Variants in THAP4 observed in about 807,000 individuals in gnomAD.
THAP4 encodes peroxynitrite isomerase THAP4.
In THAP4, 18 loss-of-function variants were observed where a neutral mutation model predicts 48.1. That is an observed-to-expected ratio of 0.37 (90% confidence interval 0.26 to 0.56). THAP4 has a LOEUF of 0.56. THAP4 is among the 20% of genes least tolerant of loss of function. The pLI, the probability that THAP4 is intolerant of heterozygous loss-of-function variation, is 0.78. For missense variants in THAP4, 656 were observed against 774.9 expected, an observed-to-expected ratio of 0.85 and a Z score of 1.82; for synonymous variants, 345 against 324.9, an observed-to-expected ratio of 1.06 and a Z score of -0.66.
In THAP4 at chr2:241,616,744, C is replaced by T. The variant is rs1470263598; in HGVS notation, c.1241-10271G>A. 1.3e-5 allele frequency among the ~76,000 whole-genome samples: 2 copies of T among 152,106 alleles called. No individual in the cohort carries two copies. Among genetic ancestry groups the T allele is most frequent in the East Asian group, 1.9e-4 (1 of 5,194 alleles). ...ACATCAGACTGGAAAGGAAGGAGCACGCGGCTAAGCAACTAGATGGAGGCT... is the reference window on the plus strand; with the variant it reads ...ACATCAGACTGGAAAGGAAGGAGCATGCGGCTAAGCAACTAGATGGAGGCT... On this transcript the variant is annotated intron_variant, in intron 2 of 5. Coordinates refer to ENST00000407315, the MANE Select transcript of THAP4 (RefSeq NM_015963.6). The surrounding 1 kb of genome is among the most constrained non-coding windows in gnomAD (Gnocchi z 4.6).
Position 241,633,161 on chromosome 2 carries a change from G to A in THAP4, c.996C>T (p.Ile332=), listed in dbSNP as rs761496815. The part of the protein sequence containing the change: ...DASPMSINEV[I]LSASGACKLI... ...GCTTGCAGGCCCCTGACGCCGACAGGATGACCTCGTTGATGGACATGGGGC... is the reference window on the plus strand; with the variant it reads ...GCTTGCAGGCCCCTGACGCCGACAGAATGACCTCGTTGATGGACATGGGGC... Residue 332 remains isoleucine (I), a synonymous_variant, in exon 2 of 6, where the codon ATC becomes ATT. Transcript: ENST00000407315. This position sits in a 1 kb window ranked among gnomAD's most constrained non-coding sequence, Gnocchi z 7.5. 2.5e-6 allele frequency: 4 copies of A among 1,609,386 alleles called. No individual in the cohort carries two copies. The Admixed American group carries it at 5.0e-5, about 20-fold the overall frequency.
In THAP4 at chr2:241,612,304, G is replaced by A. The variant is rs149100619; in HGVS notation, c.1241-5831C>T. On this transcript the variant is annotated intron_variant, in intron 2 of 5. Coordinates refer to ENST00000407315, the MANE Select transcript of THAP4 (RefSeq NM_015963.6). This position sits in a 1 kb window ranked among gnomAD's most constrained non-coding sequence, Gnocchi z 4.1. Reference sequence around the variant, plus strand: ...GAAATGGAAACAAAGTTAGAAGGACGGGAACGCCTGGCACACTGCTGATGG... The same window carrying A: ...GAAATGGAAACAAAGTTAGAAGGACAGGAACGCCTGGCACACTGCTGATGG... Among the ~76,000 whole-genome samples the A allele has an allele frequency of 0.023, 3,568 of 152,182 alleles. 201 individuals are homozygous for A. Among genetic ancestry groups the A allele is most frequent in the East Asian group, 0.19 (975 of 5,176 alleles).
chr2:241,584,851 G>A, intron 5 of THAP4, 126 bp from the exon 6 acceptor site: 1 of 1,262,754 alleles, frequency 7.9e-7, no homozygotes, highest in Admixed American at 1.8e-5. Flanking sequence ...CCTGCCAGAG[G>A]AGGGTAGACA....
chr2:241,637,505 C>T, upstream of THAP4: 15 of 1,438,770 alleles, frequency 1.0e-5, no homozygotes, highest in Non-Finnish European at 1.4e-5. Context: ...CACGACACGA[C>T]CCCATGCCGC....
At position 241,616,698 on chromosome 2, in the gene THAP4, C is replaced by T. The variant is rs758553973; in HGVS notation, c.1241-10225G>A. 1.6e-4 allele frequency among the ~76,000 whole-genome samples: 25 copies of T among 152,054 alleles called. No individual in the cohort carries two copies. Among genetic ancestry groups the T allele is most frequent in the Admixed American group, 6.6e-5 (1 of 15,260 alleles). ...AGATAGCTCTGAAATTCAGAAGAAA[C>T]GCTTTTGAGCAGAAAAAATAACATC... On this transcript the variant is annotated intron_variant, in intron 2 of 5. Coordinates refer to ENST00000407315, the MANE Select transcript of THAP4 (RefSeq NM_015963.6). The surrounding 1 kb of genome is among the most constrained non-coding windows in gnomAD (Gnocchi z 4.6).
intron 5 of THAP4, among the ~76,000 whole-genome samples, chr2:241,600,391 G>A (rs1042580350): frequency 1.3e-5 from 2 of 151,970 alleles, no homozygotes; most frequent in African/African-American, 4.8e-5. Flanking sequence ...GAGATTAAAG[G>A]TCTAGGTGGT....
intron 2 of THAP4, among the ~76,000 whole-genome samples, chr2:241,619,341 A>G (rs200618907): frequency 6.6e-6 from 1 of 152,388 alleles, no homozygotes; most frequent in East Asian, 1.9e-4. Flanking sequence ...TCAGTCAAGC[A>G]GCACTTACTG....
At chr2:241,617,360 C>A in intron 2 of THAP4, 4 of 1,326,232 alleles carry the variant, frequency 3.0e-6, no homozygotes, top group Non-Finnish European at 4.2e-6. Context: ...AAATTTCCTG[C>A]AAGAAATTTA....
Position 241,633,917 on chromosome 2 carries a change from G to A in THAP4, c.240C>T (p.Ala80=), listed in dbSNP as rs140214691. 67 of 1,613,998 alleles carry A rather than the reference G, an allele frequency of 4.2e-5. No homozygotes were observed. The highest frequency in any genetic ancestry group is 8.9e-5 in the East Asian group (4 of 44,892). ...CGGTCAGGTGGAAGATGGATGGCACGGCCGTGGGCTTCAGCAGGCGATGCT... is the reference window on the plus strand; with the variant it reads ...CGGTCAGGTGGAAGATGGATGGCACAGCCGTGGGCTTCAGCAGGCGATGCT... ...EDQHRLLKPT[A]VPSIFHLTEK... The change falls in exon 2 of 6, where the codon GCC becomes GCT. Residue 80 remains alanine, a synonymous_variant. Transcript: ENST00000407315. The surrounding 1 kb of genome is among the most constrained non-coding windows in gnomAD (Gnocchi z 7.5).
intron 5 of THAP4, among the ~76,000 whole-genome samples, chr2:241,592,876 C>CG (rs1298651104): frequency 1.3e-5 from 2 of 152,076 alleles, no homozygotes; most frequent in African/African-American, 4.8e-5. Flanking sequence ...GACGTCTGTA[C>CG]GGGGAAAAAG....
intron 1 of THAP4, among the ~76,000 whole-genome samples, chr2:241,636,715 G>C (rs1367387066): frequency 6.6e-6 from 1 of 151,812 alleles, no homozygotes; most frequent in Non-Finnish European, 1.5e-5. Flanking sequence ...TCGATCGCGC[G>C]CAGGGCGGAC....
chr2:241,625,077 A>T (rs1437872728), intron 2 of THAP4, among the ~76,000 whole-genome samples: 1 of 152,246 alleles, frequency 6.6e-6, no homozygotes, highest in African/African-American at 2.4e-5. Flanking sequence ...GATTTTACCA[A>T]GCATTCAAGG....
chr2:241,594,657 G>C, intron 5 of THAP4: 1 of 252,968 alleles, frequency 4.0e-6, no homozygotes, highest in Non-Finnish European at 8.0e-6. Context: ...ACTTGGGAGG[G>C]CGAGGTGGGA....
At position 241,633,962 on chromosome 2, in the gene THAP4, G is replaced by A. The variant is rs1052509568; in HGVS notation, c.195C>T (p.Phe65=). Residue 65 remains phenylalanine (F), a synonymous_variant, in exon 2 of 6, where the codon TTC becomes TTT. Transcript: ENST00000407315. This position sits in a 1 kb window ranked among gnomAD's most constrained non-coding sequence, Gnocchi z 7.5. The part of the protein sequence containing the change: ...LCSEHFTKDS[F]SKRLEDQHRL... The stretch of plus-strand genomic sequence containing the variant: ...GATGCTGGTCCTCCAGCCTCTTGGA[G>A]AAGCTGTCTTTGGTGAAATGCTCAC... 3 of 1,614,076 alleles carry A rather than the reference G, an allele frequency of 1.9e-6. No homozygotes were observed. The highest frequency in any genetic ancestry group is 1.3e-5 in the African/African-American group (1 of 74,952).
At chr2:241,603,150 G>T in intron 3 of THAP4, 71 bp from the exon 4 acceptor site, 1 of 1,271,862 alleles carries the variant, frequency 7.9e-7, no homozygotes, top group Non-Finnish European at 1.1e-6. Context: ...GTGGATGCCA[G>T]AACTGTCCAG....
intron 2 of THAP4, among the ~76,000 whole-genome samples, chr2:241,614,947 C>T (rs2067319616): frequency 6.6e-6 from 1 of 152,224 alleles, no homozygotes; most frequent in Non-Finnish European, 1.5e-5. Flanking sequence ...CTTCAAGTTC[C>T]TCTGGAACAG....
At chr2:241,625,197 G>A (rs184229440) in intron 2 of THAP4, among the ~76,000 whole-genome samples, 44 of 152,214 alleles carry the variant, frequency 2.9e-4, no homozygotes, top group African/African-American at 9.6e-4. Context: ...ACTACAGGCC[G>A]GGTGTGGTGG....
intron 5 of THAP4, among the ~76,000 whole-genome samples, chr2:241,593,522 C>T (rs2067013199): frequency 6.6e-6 from 1 of 152,204 alleles, no homozygotes; most frequent in Non-Finnish European, 1.5e-5. Flanking sequence ...ACAGCCGACC[C>T]AGGAAGGCCG....
chr2:241,632,135 CA>C (rs979742288), intron 2 of THAP4, among the ~76,000 whole-genome samples: 9 of 151,820 alleles, frequency 5.9e-5, no homozygotes, highest in Non-Finnish European at 1.3e-4. Flanking sequence ...TTCTGTCACC[CA>C]GGCCAGAGTG....
Sources: gnomAD v4.1 joint callset for allele counts (sites outside exome capture counted in the v4.1 genomes callset) on GRCh38, gnomAD v4.1.1 for gene constraint, Gnocchi (gnomAD v3.1) non-coding constraint, MANE v1.5 for transcripts, NCBI Gene and HGNC (gene_info 2026-07-23, HGNC 2026-07-21) for gene names.